The following DOCK7 variants were observed in gnomAD, a reference collection of about 807,000 sequenced individuals.
The protein encoded by DOCK7 is dedicator of cytokinesis 7, also known as dedicator of cytokinesis protein 7.
In DOCK7, 138 loss-of-function variants were observed where a neutral mutation model predicts 271.0. The observed-to-expected ratio is 0.51, with a 90% CI of 0.44 to 0.59. The LOEUF (loss-of-function observed/expected upper bound fraction) is 0.59, where lower values mean the gene tolerates loss of function less well. Ranked by LOEUF, DOCK7 falls within the 20% of genes least tolerant of loss-of-function variation. DOCK7 has a pLI of 0.00. For synonymous variants in DOCK7, 823 were observed against 876.1 expected, an observed-to-expected ratio of 0.94 and a Z score of 1.07; for missense variants, 2,066 against 2,592.4, an observed-to-expected ratio of 0.80 and a Z score of 4.41.
At chr1:62,596,021 T>A in intron 14 of DOCK7, among the ~76,000 whole-genome samples, 1 of 152,176 alleles carries the variant, frequency 6.6e-6, no homozygotes, top group East Asian at 1.9e-4. Context: ...TTCCCTGTGT[T>A]AAAAAGCTAT....
intron 22 of DOCK7, among the ~76,000 whole-genome samples, chr1:62,548,720 C>A (rs1212912039): frequency 6.6e-6 from 1 of 152,184 alleles, no homozygotes; most frequent in Non-Finnish European, 1.5e-5. Context: ...CACGCCCAGC[C>A]ATGTCTTAAG....
At chr1:62,493,800 G>C (rs1646535955) in intron 40 of DOCK7, among the ~76,000 whole-genome samples, 1 of 152,184 alleles carries the variant, frequency 6.6e-6, no homozygotes, top group Admixed American at 6.5e-5. Flanking sequence ...TTGGTAAGCA[G>C]AGAATTCAAC....
intron 4 of DOCK7, among the ~76,000 whole-genome samples, chr1:62,651,555 T>C (rs1470506199): frequency 1.3e-5 from 2 of 151,398 alleles, no homozygotes; most frequent in African/African-American, 2.4e-5. Flanking sequence ...CTTCATCTTA[T>C]AGCTATTTCA....
chr1:62,633,772 G>A (rs1302303450), intron 9 of DOCK7, 194 bp from the exon 10 acceptor site: 1 of 510,716 alleles, frequency 2.0e-6, no homozygotes, highest in Non-Finnish European at 3.5e-6. Context: ...AAGTAGTAAT[G>A]CAAAGAAACT....
rs563676646 is a variant in DOCK7, at chr1:62,514,511, A to G, written c.3937-613T>C. Among the ~76,000 whole-genome samples, 15 of 152,272 alleles carry G rather than the reference A, an allele frequency of 9.9e-5. 1 individual carries two copies. Among genetic ancestry groups the G allele is most frequent in the African/African-American group, 3.6e-4 (15 of 41,568 alleles). On this transcript the variant is annotated intron_variant, in intron 31 of 49. Coordinates refer to ENST00000635253, the MANE Select transcript of DOCK7 (RefSeq NM_001367561.1). Reference sequence around the variant, plus strand: ...AATGAAAAAATAAAAACACATTTACAGTACCACTTATTGGACATACACTCT... The same window carrying G: ...AATGAAAAAATAAAAACACATTTACGGTACCACTTATTGGACATACACTCT...
At chr1:62,527,427 T>C (rs1031422663) in intron 31 of DOCK7, among the ~76,000 whole-genome samples, 9 of 151,934 alleles carry the variant, frequency 5.9e-5, no homozygotes, top group Non-Finnish European at 1.3e-4. Context: ...ATGTTTATTG[T>C]GGCACTATTC....
chr1:62,687,434 T>C (rs1321295297), intron 1 of DOCK7, among the ~76,000 whole-genome samples: 2 of 152,216 alleles, frequency 1.3e-5, no homozygotes, highest in Non-Finnish European at 2.9e-5. Flanking sequence ...TGCTAACATA[T>C]AAAAGGATGT....
intron 31 of DOCK7, among the ~76,000 whole-genome samples, chr1:62,520,120 A>C (rs958662783): frequency 2.0e-5 from 3 of 152,240 alleles, no homozygotes; most frequent in Admixed American, 6.5e-5. Flanking sequence ...TTGAAGACTT[A>C]AACGTAAGAC....
chr1:62,551,833 C>T (rs1008142265), intron 22 of DOCK7, among the ~76,000 whole-genome samples: 7 of 150,664 alleles, frequency 4.6e-5, no homozygotes, highest in Non-Finnish European at 1.0e-4. Context: ...ATCATTGATC[C>T]ATTTAAAGTA....
chr1:62,651,541 G>A (rs1571906260), intron 4 of DOCK7, among the ~76,000 whole-genome samples: 1 of 146,598 alleles, frequency 6.8e-6, no homozygotes, highest in South Asian at 2.2e-4. Flanking sequence ...AAAGAATTCT[G>A]TGGCTTCATC....
intron 31 of DOCK7, among the ~76,000 whole-genome samples, chr1:62,515,058 A>C (rs1189878245): frequency 1.3e-5 from 2 of 152,150 alleles, no homozygotes; most frequent in Admixed American, 6.5e-5. Flanking sequence ...TTAATGACCA[A>C]ATGCTTTATG....
Position 62,455,402 on chromosome 1 carries a change from A to G in DOCK7, c.*12T>C, listed in dbSNP as rs1455673213. On this transcript the variant is annotated 3_prime_UTR_variant, in exon 50 of 50. Coordinates refer to ENST00000635253, the MANE Select transcript of DOCK7 (RefSeq NM_001367561.1). ...TGGCTCTTTGCAGATGAATAAAACA[A>G]GTGCATTCAGTTTAGAGATCCATTT... 4 of 1,613,014 alleles carry G rather than the reference A, an allele frequency of 2.5e-6. No individual in the cohort carries two copies. Among genetic ancestry groups the G allele is most frequent in the Non-Finnish European group, 3.4e-6 (4 of 1,179,394 alleles).
Position 62,475,231 on chromosome 1 carries a change from A to C in DOCK7, c.6082T>G (p.Ser2028Ala). 6.2e-7 allele frequency: 1 copy of C among 1,613,914 alleles called. No homozygotes were observed. Among genetic ancestry groups the C allele is most frequent in the Non-Finnish European group, 8.5e-7 (1 of 1,179,912 alleles). Reference protein sequence around the residue: ...PKMLQMVLQGSVGTTVNQGPL... With the variant: ...PKMLQMVLQGAVGTTVNQGPL... ...ACCTGATTCACTGTGGTGCCTACAGATCCCTGGAGTACCATCTGAAGCATT... is the reference window on the plus strand; with the variant it reads ...ACCTGATTCACTGTGGTGCCTACAGCTCCCTGGAGTACCATCTGAAGCATT... The change falls in exon 47 of 50, where the codon TCT becomes GCT. Residue 2028 changes from serine (S) to alanine (A), a missense_variant. By Grantham distance (99) the Ser-to-Ala change is moderately conservative. Coordinates refer to ENST00000635253, the MANE Select transcript of DOCK7 (RefSeq NM_001367561.1).
At chr1:62,628,632 A>G (rs1320463254) in intron 11 of DOCK7, 1 of 152,218 alleles carries the variant, frequency 6.6e-6, no homozygotes, top group Non-Finnish European at 1.5e-5. Flanking sequence ...GATTCATATT[A>G]CATAATGGTT....
At chr1:62,461,247 A>C (rs941494055) in intron 48 of DOCK7, among the ~76,000 whole-genome samples, 1 of 152,160 alleles carries the variant, frequency 6.6e-6, no homozygotes, top group Non-Finnish European at 1.5e-5. Context: ...GGACGTCCTA[A>C]ATATCATTAT....
chr1:62,459,595 A>AT (rs1645452620), intron 48 of DOCK7, among the ~76,000 whole-genome samples: 2 of 152,166 alleles, frequency 1.3e-5, no homozygotes, highest in African/African-American at 4.8e-5. Context: ...ATTAATGTAG[A>AT]TTTTTTGCTA....
At chr1:62,468,071 A>C (rs1645726906) in intron 48 of DOCK7, among the ~76,000 whole-genome samples, 1 of 152,192 alleles carries the variant, frequency 6.6e-6, no homozygotes, top group Non-Finnish European at 1.5e-5. Context: ...GATGATTAAA[A>C]GCATCAAGGC....
intron 37 of DOCK7, among the ~76,000 whole-genome samples, chr1:62,504,018 G>A (rs1348203685): frequency 6.7e-6 from 1 of 148,534 alleles, no homozygotes; most frequent in Non-Finnish European, 1.5e-5. Context: ...CTGCACTCCA[G>A]CCTGGGCGAC....
chr1:62,594,443 C>T (rs948321110), intron 14 of DOCK7, among the ~76,000 whole-genome samples: 19 of 152,106 alleles, frequency 1.2e-4, no homozygotes, highest in Non-Finnish European at 2.5e-4. Flanking sequence ...TCTACTCTGT[C>T]AGTGTTATTT....
Sources: gnomAD v4.1 joint callset for allele counts (sites outside exome capture counted in the v4.1 genomes callset) on GRCh38, gnomAD v4.1.1 for gene constraint, MANE v1.5 for transcripts, NCBI Gene and HGNC (gene_info 2026-07-23, HGNC 2026-07-21) for gene names.